The following TENM4 variants were observed in gnomAD, a reference collection of about 807,000 sequenced individuals.
TENM4 encodes teneurin-4.
TENM4 carries 82 observed loss-of-function variants against 243.3 expected under a neutral mutation model. The ratio of observed to expected loss-of-function variants is 0.34; its 90% confidence interval spans 0.28 to 0.40. The LOEUF (loss-of-function observed/expected upper bound fraction) is 0.40, where lower values mean the gene tolerates loss of function less well. Among genes scored for constraint, TENM4 ranks in the 10% least tolerant of loss-of-function variants. The pLI, the probability that TENM4 is intolerant of heterozygous loss-of-function variation, is 1.00. For missense variants in TENM4, 3,138 were observed against 3,673.3 expected (o/e 0.85, Z 3.77); for synonymous variants, 1,412 against 1,456.3 (o/e 0.97, Z 0.69).
intron 12 of TENM4, among the ~76,000 whole-genome samples, chr11:78,836,412 C>T (rs533007888): frequency 3.1e-4 from 47 of 152,298 alleles, no homozygotes; most frequent in African/African-American, 9.4e-4. Flanking sequence ...TTTTCTGAAA[C>T]TCAGTTTGCT....
chr11:78,856,187 A>G lies in TENM4; in HGVS notation c.1256-9T>C. 1 of 1,550,278 alleles carries G rather than the reference A, an allele frequency of 6.5e-7. No individual in the cohort carries two copies. The highest frequency in any genetic ancestry group is 8.7e-7 in the Non-Finnish European group (1 of 1,145,958). On this transcript the variant is annotated splice_polypyrimidine_tract_variant and intron_variant, in intron 10 of 33. Coordinates refer to ENST00000278550, the MANE Select transcript of TENM4 (RefSeq NM_001098816.3). ...GAAACTACTGGGCTTTCCTACCAAG[A>G]TAGAGGGAAGGGAAGACAAAGACAT...
At chr11:78,845,846 T>C (rs751388417) in intron 12 of TENM4, among the ~76,000 whole-genome samples, 1 of 152,066 alleles carries the variant, frequency 6.6e-6, no homozygotes, top group Non-Finnish European at 1.5e-5. Context: ...GCTGACAAAA[T>C]ATCTTCTATC....
intron 2 of TENM4, among the ~76,000 whole-genome samples, chr11:79,262,834 G>A (rs1292133750): frequency 6.6e-6 from 1 of 152,176 alleles, no homozygotes; most frequent in Non-Finnish European, 1.5e-5. Flanking sequence ...CAATTACATG[G>A]GAGGATATCT....
intron 1 of TENM4, among the ~76,000 whole-genome samples, chr11:79,340,541 G>T (rs918351184): frequency 2.0e-5 from 3 of 152,118 alleles, no homozygotes; most frequent in Admixed American, 6.5e-5. Flanking sequence ...GAGGACTCTG[G>T]CAGCTGCTGC....
intron 19 of TENM4, among the ~76,000 whole-genome samples, chr11:78,750,627 G>A (rs1458798399): frequency 1.3e-5 from 2 of 152,226 alleles, no homozygotes; most frequent in African/African-American, 4.8e-5. Flanking sequence ...TGAGCTCACA[G>A]AGCACTTTTG....
chr11:78,986,355 T>C (rs564526939), intron 6 of TENM4, among the ~76,000 whole-genome samples: 2 of 152,332 alleles, frequency 1.3e-5, no homozygotes, highest in East Asian at 3.9e-4. Context: ...CATAAAATCT[T>C]TTCCCCTTCT....
At chr11:79,412,949 A>G (rs977213959) in intron 1 of TENM4, among the ~76,000 whole-genome samples, 1 of 152,248 alleles carries the variant, frequency 6.6e-6, no homozygotes, top group Non-Finnish European at 1.5e-5. Flanking sequence ...AGACACAGAT[A>G]TGAGTCACTA....
intron 6 of TENM4, among the ~76,000 whole-genome samples, chr11:79,045,301 A>C (rs1228030630): frequency 6.6e-6 from 1 of 152,186 alleles, no homozygotes; most frequent in Admixed American, 6.5e-5. Context: ...AACACTATGA[A>C]GGAGGTTGTG....
chr11:79,268,628 A>G (rs1318685695), intron 2 of TENM4, among the ~76,000 whole-genome samples: 1 of 152,214 alleles, frequency 6.6e-6, no homozygotes, highest in Non-Finnish European at 1.5e-5. Flanking sequence ...TTTGTGGACC[A>G]TGCATAAAGA....
Position 78,926,364 on chromosome 11 carries a change from C to T in TENM4, c.494-22841G>A, listed in dbSNP as rs554987097. The stretch of plus-strand genomic sequence containing the variant: ...TGATCTCGGCTCACTGTCTCTGCCT[C>T]CCGGGTTCAAGCGATTCTCCTGCCT... On this transcript the variant is annotated intron_variant, in intron 6 of 33. Coordinates refer to ENST00000278550, the MANE Select transcript of TENM4 (RefSeq NM_001098816.3). Among the ~76,000 whole-genome samples, 3 of 150,770 alleles carry T rather than the reference C, an allele frequency of 2.0e-5. No homozygotes were observed. In the East Asian group the frequency reaches 5.8e-4, roughly 29 times the overall value.
At chr11:79,123,789 G>A (rs1332824983) in intron 4 of TENM4, among the ~76,000 whole-genome samples, 2 of 152,060 alleles carry the variant, frequency 1.3e-5, no homozygotes, top group Non-Finnish European at 2.9e-5. Context: ...GAACAGAGGG[G>A]TTTGAATAAA....
At chr11:79,033,490 A>G (rs1859300342) in intron 6 of TENM4, among the ~76,000 whole-genome samples, 1 of 152,254 alleles carries the variant, frequency 6.6e-6, no homozygotes, top group Non-Finnish European at 1.5e-5. Flanking sequence ...TGAACAAAGT[A>G]TTATGGTCCC....
intron 28 of TENM4, among the ~76,000 whole-genome samples, chr11:78,689,710 G>A (rs1175409490): frequency 6.6e-6 from 1 of 152,134 alleles, no homozygotes; most frequent in Admixed American, 6.5e-5. Flanking sequence ...TCTGCCCAAG[G>A]TCAGACTTGG....
chr11:79,055,056 T>C (rs1052369786), intron 6 of TENM4, among the ~76,000 whole-genome samples: 3 of 149,270 alleles, frequency 2.0e-5, no homozygotes, highest in African/African-American at 7.4e-5. Flanking sequence ...GAACCCAGGA[T>C]GCAGAGGTTG....
chr11:79,385,053 G>A (rs769843950), intron 1 of TENM4, among the ~76,000 whole-genome samples: 6 of 151,582 alleles, frequency 4.0e-5, no homozygotes, highest in Non-Finnish European at 7.4e-5. Flanking sequence ...CAATGATGTG[G>A]GCTGCACAAC....
intron 4 of TENM4, among the ~76,000 whole-genome samples, chr11:79,075,221 A>G (rs571680138): frequency 6.6e-6 from 1 of 152,356 alleles, no homozygotes; most frequent in African/African-American, 2.4e-5. Flanking sequence ...CATTTTATTG[A>G]TGAAGAGCCT....
At chr11:79,174,437 C>G (rs1863115980) in intron 3 of TENM4, among the ~76,000 whole-genome samples, 1 of 152,112 alleles carries the variant, frequency 6.6e-6, no homozygotes, top group Admixed American at 6.5e-5. Flanking sequence ...TGTCTTCAGA[C>G]TGATTTAAAA....
chr11:79,402,025 C>A, intron 1 of TENM4: 1 of 417,738 alleles, frequency 2.4e-6, no homozygotes, highest in Non-Finnish European at 5.3e-6. Flanking sequence ...GGTAAGGTCC[C>A]TGCCCTCTAG....
intron 26 of TENM4, among the ~76,000 whole-genome samples, chr11:78,711,595 A>C (rs1219614751): frequency 6.6e-6 from 1 of 152,154 alleles, no homozygotes; most frequent in Admixed American, 6.5e-5. Flanking sequence ...GACCATCAGA[A>C]TAAACCTAGG....
Sources: allele counts gnomAD v4.1 joint callset (sites outside exome capture counted in the v4.1 genomes callset), GRCh38; gene constraint gnomAD v4.1.1; transcripts MANE v1.5; gene names NCBI Gene and HGNC (gene_info 2026-07-23, HGNC 2026-07-21).